STAC: variants seen among roughly 807,000 people sequenced by gnomAD.
The protein encoded by STAC is SH3 and cysteine rich domain.
A neutral mutation model predicts 48.8 loss-of-function variants in STAC; 43 were observed. The ratio of observed to expected loss-of-function variants is 0.88; its 90% confidence interval spans 0.69 to 1.14. The LOEUF (loss-of-function observed/expected upper bound fraction) is 1.14, where lower values mean the gene tolerates loss of function less well. STAC is among the 50% of genes most tolerant of loss of function. STAC has a pLI of 0.00. For missense variants in STAC, 497 were observed against 504.0 expected (o/e 0.99, Z 0.13); for synonymous variants, 193 against 179.5 (o/e 1.07, Z -0.60).
chr3:36,399,399 G>GGTT lies in STAC; in HGVS notation c.111+18647_111+18649dup, dbSNP rs200459453. Among the ~76,000 whole-genome samples, 182 of 152,302 alleles carry GGTT rather than the reference G, an allele frequency of 1.2e-3. 3 individuals carry two copies. The East Asian group carries it at 0.026, about 21-fold the overall frequency. On this transcript the variant is annotated intron_variant, in intron 1 of 10. Coordinates refer to ENST00000273183, the MANE Select transcript of STAC (RefSeq NM_003149.3). Reference sequence around the variant, plus strand: ...AAGAAGAGTGCTGCATTTGACAATGGGTTGATAGACACCTGACATAAGTCT... The same window carrying GGTT: ...AAGAAGAGTGCTGCATTTGACAATGGGTTGTTGATAGACACCTGACATAAGTCT...
chr3:36,425,966 A>G (rs998438883), intron 1 of STAC, among the ~76,000 whole-genome samples: 6 of 152,188 alleles, frequency 3.9e-5, no homozygotes, highest in Non-Finnish European at 8.8e-5. Flanking sequence ...GGTGGGGCAG[A>G]GGTTGCAGTA....
intron 8 of STAC, among the ~76,000 whole-genome samples, chr3:36,527,314 A>G (rs937452201): frequency 1.3e-5 from 2 of 152,228 alleles, no homozygotes; most frequent in Admixed American, 1.3e-4. Flanking sequence ...ATCCATTATA[A>G]CATTGCATCC....
At chr3:36,442,957 G>C (rs1046215218) in intron 1 of STAC, among the ~76,000 whole-genome samples, 2 of 152,172 alleles carry the variant, frequency 1.3e-5, no homozygotes, top group Non-Finnish European at 2.9e-5. Context: ...GATCATAAGA[G>C]AGAAAGGCCA....
chr3:36,451,504 A>G (rs1696679524), intron 2 of STAC, among the ~76,000 whole-genome samples: 2 of 152,218 alleles, frequency 1.3e-5, no homozygotes, highest in Admixed American at 1.3e-4. Flanking sequence ...TACAAATTTT[A>G]TAACAAGATT....
chr3:36,444,716 C>T (rs1696459450), intron 2 of STAC, among the ~76,000 whole-genome samples: 1 of 152,222 alleles, frequency 6.6e-6, no homozygotes, highest in Non-Finnish European at 1.5e-5. Context: ...GGCTTGGATA[C>T]AGGGAGGGGT....
At position 36,522,387 on chromosome 3, in the gene STAC, C is replaced by T. The variant is rs182666568; in HGVS notation, c.921-6309C>T. Among the ~76,000 whole-genome samples the T allele has an allele frequency of 1.7e-4, 26 of 152,244 alleles. No individual in the cohort carries two copies. The South Asian group carries it at 3.9e-3, about 23-fold the overall frequency. ...ACAATAACAGCCACCATCTAATGGG[C>T]GCTTATCTAAATATGCATTACAAAT... On this transcript the variant is annotated intron_variant, in intron 8 of 10. Coordinates refer to ENST00000273183, the MANE Select transcript of STAC (RefSeq NM_003149.3).
intron 1 of STAC, among the ~76,000 whole-genome samples, chr3:36,421,170 TA>T (rs970104811): frequency 6.6e-6 from 1 of 152,246 alleles, no homozygotes; most frequent in Non-Finnish European, 1.5e-5. Flanking sequence ...ACTTATTTTT[TA>T]AAAGTAGTTT....
At chr3:36,415,711 G>A (rs1421764803) in intron 1 of STAC, among the ~76,000 whole-genome samples, 3 of 152,158 alleles carry the variant, frequency 2.0e-5, no homozygotes, top group Non-Finnish European at 4.4e-5. Context: ...CGTCGCTCAC[G>A]TTGGGAGCTG....
chr3:36,449,167 G>A (rs1007218150), intron 2 of STAC, among the ~76,000 whole-genome samples: 3 of 151,982 alleles, frequency 2.0e-5, no homozygotes, highest in African/African-American at 7.3e-5. Context: ...ATTAGAGGAG[G>A]GGATAAACTA....
chr3:36,495,335 C>A (rs1382028222), intron 6 of STAC, among the ~76,000 whole-genome samples: 1 of 152,202 alleles, frequency 6.6e-6, no homozygotes, highest in Non-Finnish European at 1.5e-5. Flanking sequence ...CATCTGAATG[C>A]AGAATAGTCA....
chr3:36,467,135 G>A (rs1476183896), intron 2 of STAC, among the ~76,000 whole-genome samples: 1 of 151,840 alleles, frequency 6.6e-6, no homozygotes, highest in Non-Finnish European at 1.5e-5. Flanking sequence ...TGTTTATGTG[G>A]TGTATCACAT....
intron 1 of STAC, among the ~76,000 whole-genome samples, chr3:36,384,441 A>G (rs1699574629): frequency 6.6e-6 from 1 of 152,128 alleles, no homozygotes. Context: ...TGTAAGGCCT[A>G]AGAATATGTA....
intron 2 of STAC, among the ~76,000 whole-genome samples, chr3:36,453,426 C>A (rs1469386947): frequency 6.6e-6 from 1 of 152,206 alleles, no homozygotes; most frequent in African/African-American, 2.4e-5. Flanking sequence ...GCTTGGCAGA[C>A]CCCGCCCTCG....
chr3:36,435,785 TATTATTTAAG>T (rs1700819679), intron 1 of STAC, among the ~76,000 whole-genome samples: 1 of 152,230 alleles, frequency 6.6e-6, no homozygotes, highest in Non-Finnish European at 1.5e-5. Context: ...TACTTGACGT[TATTATTTAAG>T]ATTCATTTCA....
At chr3:36,413,523 C>T (rs1055490904) in intron 1 of STAC, among the ~76,000 whole-genome samples, 10 of 152,028 alleles carry the variant, frequency 6.6e-5, no homozygotes, top group South Asian at 4.1e-4. Flanking sequence ...TTTCCATTTG[C>T]TTGGTAGATC....
intron 1 of STAC, among the ~76,000 whole-genome samples, chr3:36,429,745 C>T (rs1700650407): frequency 6.6e-6 from 1 of 152,168 alleles, no homozygotes. Flanking sequence ...TCCACAGGAA[C>T]ATTGTTATCT....
At chr3:36,467,754 C>G (rs1697218062) in intron 2 of STAC, among the ~76,000 whole-genome samples, 1 of 152,002 alleles carries the variant, frequency 6.6e-6, no homozygotes, top group Admixed American at 6.6e-5. Context: ...CGCTAATGCT[C>G]TATCAATTTT....
intron 8 of STAC, among the ~76,000 whole-genome samples, chr3:36,509,961 G>A (rs1698495696): frequency 6.6e-6 from 1 of 151,968 alleles, no homozygotes; most frequent in Non-Finnish European, 1.5e-5. Context: ...TTGACCATTG[G>A]GATCTAATGA....
At chr3:36,495,918 T>C (rs984506002) in intron 6 of STAC, among the ~76,000 whole-genome samples, 4 of 152,232 alleles carry the variant, frequency 2.6e-5, no homozygotes, top group Non-Finnish European at 5.9e-5. Context: ...AGGATCTGCA[T>C]ATGAATCTGT....
Sources: allele counts gnomAD v4.1 joint callset (sites outside exome capture counted in the v4.1 genomes callset), GRCh38; gene constraint gnomAD v4.1.1; transcripts MANE v1.5; gene names NCBI Gene and HGNC (gene_info 2026-07-23, HGNC 2026-07-21).